IGSF11: variants seen among roughly 807,000 people sequenced by gnomAD.
IGSF11 encodes CXADR like 1.
In IGSF11, 22 loss-of-function variants were observed where a neutral mutation model predicts 41.0. The observed-to-expected ratio is 0.54, with a 90% confidence interval of 0.38 to 0.77. The LOEUF (loss-of-function observed/expected upper bound fraction) is 0.77, where lower values mean the gene tolerates loss of function less well. Ranked by LOEUF, IGSF11 falls within the 30% of genes least tolerant of loss-of-function variation. The pLI, the probability that IGSF11 is intolerant of heterozygous loss-of-function variation, is 0.00. For synonymous variants in IGSF11, 219 were observed against 201.3 expected, an observed-to-expected ratio of 1.09 and a Z score of -0.74; for missense variants, 444 against 530.8, an observed-to-expected ratio of 0.84 and a Z score of 1.61.
intron 1 of IGSF11, among the ~76,000 whole-genome samples, chr3:119,067,370 C>A (rs969776788): frequency 6.6e-6 from 1 of 152,176 alleles, no homozygotes; most frequent in African/African-American, 2.4e-5. Flanking sequence ...TCAGTTCTAG[C>A]AAACTGTAGA....
chr3:119,073,389 C>T (rs570852639), intron 1 of IGSF11, among the ~76,000 whole-genome samples: 46 of 152,322 alleles, frequency 3.0e-4, no homozygotes, highest in Middle Eastern at 6.8e-3. Context: ...AGTCCTGGGC[C>T]GCGCATCTGC....
intron 1 of IGSF11, among the ~76,000 whole-genome samples, chr3:118,958,525 G>GA (rs200629457): frequency 1.6e-3 from 241 of 151,104 alleles, no homozygotes; most frequent in Non-Finnish European, 2.9e-3. Flanking sequence ...CTAGTCAGTG[G>GA]AAAAAAAACA....
intron 1 of IGSF11, among the ~76,000 whole-genome samples, chr3:119,002,432 C>T (rs1375229921): frequency 6.7e-6 from 1 of 149,056 alleles, no homozygotes; most frequent in Non-Finnish European, 1.5e-5. Flanking sequence ...TGCCTGTTCA[C>T]TCTGATGGTA....
chr3:119,126,293 C>A (rs2077404348), intron 1 of IGSF11, among the ~76,000 whole-genome samples: 1 of 152,210 alleles, frequency 6.6e-6, no homozygotes, highest in East Asian at 1.9e-4. Context: ...AACCCTGACC[C>A]ATCCTTCCTC....
rs72966877 is a variant in IGSF11, at chr3:118,923,481, T to C, written c.580+2620A>G. 5.0e-3 allele frequency among the ~76,000 whole-genome samples: 762 copies of C among 152,342 alleles called. 5 individuals carry two copies. Among genetic ancestry groups the C allele is most frequent in the African/African-American group, 0.017 (717 of 41,584 alleles). ...TGATCTAATAGTATTAGCTAATCTATAGTTTATATTGTTTCATCAATTATC... is the reference window on the plus strand; with the variant it reads ...TGATCTAATAGTATTAGCTAATCTACAGTTTATATTGTTTCATCAATTATC... On this transcript the variant is annotated intron_variant, in intron 4 of 6. Transcript: ENST00000393775.
chr3:119,061,926 G>T (rs956392847), intron 1 of IGSF11, among the ~76,000 whole-genome samples: 2 of 152,032 alleles, frequency 1.3e-5, no homozygotes, highest in African/African-American at 2.4e-5. Flanking sequence ...TAGAGCTTTT[G>T]CATTTGACCT....
Position 119,064,212 on chromosome 3 carries a change from C to T in IGSF11, c.49+40932G>A, listed in dbSNP as rs114776442. The stretch of plus-strand genomic sequence containing the variant: ...TTGTTTTACTTTTTCACATTTATAT[C>T]TGCAGTCCATATGGATTTAATTTTT... On this transcript the variant is annotated intron_variant, in intron 1 of 6. Coordinates refer to the IGSF11 transcript ENST00000354673. 5.2e-3 allele frequency among the ~76,000 whole-genome samples: 787 copies of T among 152,288 alleles called. 13 individuals carry two copies. The highest frequency in any genetic ancestry group is 0.017 in the African/African-American group (718 of 41,558).
At position 118,904,674 on chromosome 3, in the gene IGSF11, TTCC is replaced by T. The variant is rs760391266; in HGVS notation, c.825_827del (p.Glu279del). On this transcript the variant is annotated inframe_deletion, in exon 6 of 7. Coordinates refer to ENST00000393775, the MANE Select transcript of IGSF11 (RefSeq NM_001015887.3). ...TTATTTCATTAGGAATTTCTTCTTC[TTCC>T]TCCTCTTTATTTTTGCTTCTCCAGT... 5.1e-5 allele frequency: 82 copies of T among 1,610,498 alleles called. 2 individuals carry two copies. In the South Asian group the frequency reaches 7.8e-4, roughly 15 times the overall value.
chr3:119,086,823 G>A (rs2076683683), intron 1 of IGSF11, among the ~76,000 whole-genome samples: 1 of 152,126 alleles, frequency 6.6e-6, no homozygotes, highest in Non-Finnish European at 1.5e-5. Flanking sequence ...TAGCCCACAG[G>A]TACTATAAAG....
At position 118,950,635 on chromosome 3, in the gene IGSF11, A is replaced by G. The variant is rs1490671903; in HGVS notation, c.53-20360T>C. 2.0e-5 allele frequency among the ~76,000 whole-genome samples: 3 copies of G among 151,938 alleles called. No individual in the cohort carries two copies. In the East Asian group the frequency reaches 5.8e-4, roughly 29 times the overall value. On this transcript the variant is annotated intron_variant, in intron 1 of 6. Transcript: ENST00000393775. ...TTAATAATGTATCTATATAATAGATACATTATAATAATACATTATAATAAT... is the reference window on the plus strand; with the variant it reads ...TTAATAATGTATCTATATAATAGATGCATTATAATAATACATTATAATAAT...
intron 1 of IGSF11, among the ~76,000 whole-genome samples, chr3:119,034,016 C>T (rs764957484): frequency 1.3e-5 from 2 of 152,120 alleles, no homozygotes; most frequent in Non-Finnish European, 2.9e-5. Context: ...TTCTTGTTTT[C>T]GATTGTAGTA....
At chr3:119,059,207 AC>A (rs1553723810) in intron 1 of IGSF11, among the ~76,000 whole-genome samples, 5 of 144,504 alleles carry the variant, frequency 3.5e-5, no homozygotes, top group Non-Finnish European at 6.2e-5. Flanking sequence ...ACACACACAC[AC>A]CACACCATGG....
intron 1 of IGSF11, among the ~76,000 whole-genome samples, chr3:119,010,359 A>T (rs2107692262): frequency 6.6e-6 from 1 of 152,372 alleles, no homozygotes; most frequent in South Asian, 2.1e-4. Context: ...AAAAGATGAG[A>T]GCGACGGTTA....
At chr3:118,941,479 A>G (rs183255770) in intron 1 of IGSF11, among the ~76,000 whole-genome samples, 1 of 152,350 alleles carries the variant, frequency 6.6e-6, no homozygotes, top group Admixed American at 6.5e-5. Flanking sequence ...CTAAGTGTTG[A>G]CGAGAATGTA....
intron 1 of IGSF11, among the ~76,000 whole-genome samples, chr3:119,129,026 T>G (rs535694610): frequency 2.6e-4 from 40 of 152,284 alleles, no homozygotes; most frequent in African/African-American, 9.1e-4. Flanking sequence ...TGGATGAAAC[T>G]GAAAGCCCTC....
Position 118,915,650 on chromosome 3 carries a change from G to A in IGSF11, c.581-9932C>T, listed in dbSNP as rs1262665902. Among the ~76,000 whole-genome samples, 9 of 28,890 alleles carry A rather than the reference G, an allele frequency of 3.1e-4. 1 individual carries two copies. In the East Asian group the frequency reaches 6.6e-3, roughly 21 times the overall value. The allele number at this position is 28,890 out of a possible 152,430, so 19.0% of individuals were successfully genotyped here. A position where few individuals can be genotyped will look rare whatever the true frequency, so the allele number is the denominator to read the frequency against. ...TCTGATTGGTGTACCTGAAAGTGAT[G>A]CGGAGAATGGAACCAAGTTGGAAAA... is the stretch of plus-strand genomic sequence containing the variant. On this transcript the variant is annotated intron_variant, in intron 4 of 6. Transcript: ENST00000393775.
At chr3:119,073,505 G>A (rs557443570) in intron 1 of IGSF11, among the ~76,000 whole-genome samples, 1 of 152,216 alleles carries the variant, frequency 6.6e-6, no homozygotes. Context: ...CCCACCGTGG[G>A]GGGGCTCGGG....
At chr3:119,059,663 T>G (rs1484704809) in intron 1 of IGSF11, among the ~76,000 whole-genome samples, 1 of 152,164 alleles carries the variant, frequency 6.6e-6, no homozygotes, top group Non-Finnish European at 1.5e-5. Context: ...TGATTTTTTT[T>G]TTTAACTGCC....
rs1276977382 is a variant in IGSF11 at position 118,926,158 on chromosome 3, T to C, written c.523A>G (p.Thr175Ala). ...TTGTCTAACTTCTCCCAAAGGTAAGTTGGTCGAGGAATGCCTTCCTCTGAG... is the reference window on the plus strand; with the variant it reads ...TTGTCTAACTTCTCCCAAAGGTAAGCTGGTCGAGGAATGCCTTCCTCTGAG... ...CSSEEGIPRPTYLWEKLDNTL... is the reference protein window; with the variant it reads ...CSSEEGIPRPAYLWEKLDNTL... The change falls in exon 4 of 7, where the codon ACT becomes GCT. Residue 175 changes from threonine (T) to alanine (A), a missense_variant. By Grantham distance (58) the Thr-to-Ala change is moderately conservative. Around this residue, in one of 3 missense-constraint regions of IGSF11, gnomAD observed 193 missense variants for 283.5 expected, o/e 0.68. Coordinates refer to ENST00000393775, the MANE Select transcript of IGSF11 (RefSeq NM_001015887.3). The C allele has an allele frequency of 1.9e-6, 3 of 1,612,028 alleles. No individual in the cohort carries two copies. Among genetic ancestry groups the C allele is most frequent in the East Asian group, 2.2e-5 (1 of 44,800 alleles).
Sources: gnomAD v4.1 joint callset for allele counts (sites outside exome capture counted in the v4.1 genomes callset) on GRCh38, gnomAD v4.1.1 for gene constraint, gnomAD v4.1.1 regional missense constraint, MANE v1.5 for transcripts, NCBI Gene and HGNC (gene_info 2026-07-23, HGNC 2026-07-21) for gene names.